The following ERMP1 variants were observed in gnomAD, a reference collection of about 807,000 sequenced individuals.
ERMP1 encodes Felix-ina.
Under a neutral mutation model 92.0 loss-of-function variants are expected in ERMP1, and 86 were observed. That is an observed-to-expected ratio of 0.93 (90% CI 0.79 to 1.12). The LOEUF (loss-of-function observed/expected upper bound fraction) is 1.12, where lower values mean the gene tolerates loss of function less well. Among genes scored for constraint, ERMP1 ranks in the 50% most tolerant of loss-of-function variants. The probability of loss-of-function intolerance (pLI) is 0.00; values close to 1 mark genes in which losing one functional copy is unlikely to be tolerated. For synonymous variants in ERMP1, 530 were observed against 412.8 expected (o/e 1.28, Z -3.44); for missense variants, 1,342 against 1,116.3 (o/e 1.20, Z -2.88).
In ERMP1 at chr9:5,829,300, GT is replaced by G. The variant is rs563077178; in HGVS notation, c.640+1426del. On this transcript the variant is annotated intron_variant, in intron 2 of 14. Coordinates refer to ENST00000339450, the MANE Select transcript of ERMP1 (RefSeq NM_024896.3). ...TACTTCTGGCTTATTTAACAAACGTGTGTATACTGATTTTTGAAAATGCAAG... is the reference window on the plus strand; with the variant it reads ...TACTTCTGGCTTATTTAACAAACGTGGTATACTGATTTTTGAAAATGCAAG... Among the ~76,000 whole-genome samples, 15 of 151,634 alleles carry G rather than the reference GT, an allele frequency of 9.9e-5. No homozygotes were observed. The East Asian group carries it at 2.7e-3, about 27-fold the overall frequency.
intron 2 of ERMP1, among the ~76,000 whole-genome samples, chr9:5,827,237 ATT>A (rs1829760644): frequency 6.6e-6 from 1 of 152,222 alleles, no homozygotes. Context: ...CACTAAAAGG[ATT>A]TAGGTGATAG....
At chr9:5,816,029 A>G (rs1420492011) in intron 4 of ERMP1, among the ~76,000 whole-genome samples, 1 of 152,152 alleles carries the variant, frequency 6.6e-6, no homozygotes, top group African/African-American at 2.4e-5. Context: ...TAATTATCTT[A>G]AAACTTAGGA....
At chr9:5,799,564 CA>C in intron 11 of ERMP1, among the ~76,000 whole-genome samples, 1 of 152,194 alleles carries the variant, frequency 6.6e-6, no homozygotes, top group Non-Finnish European at 1.5e-5. Context: ...CAGGAGCCGG[CA>C]AACTGCAGCC....
chr9:5,864,920 A>G (rs1830607469), intron 5 of ERMP1, among the ~76,000 whole-genome samples: 1 of 152,234 alleles, frequency 6.6e-6, no homozygotes, highest in African/African-American at 2.4e-5. Context: ...TGCTTCAGAT[A>G]TAACATGAGA....
At chr9:5,801,746 A>C (rs1357762863) in intron 10 of ERMP1, among the ~76,000 whole-genome samples, 1 of 152,272 alleles carries the variant, frequency 6.6e-6, no homozygotes, top group Non-Finnish European at 1.5e-5. Context: ...ATGCTTTAAA[A>C]TATGTCAAAA....
rs1019137877 is a variant in ERMP1 at position 5,805,774 on chromosome 9, G to A, written c.1560C>T (p.Ala520=). 2 of 1,599,590 alleles carry A rather than the reference G, an allele frequency of 1.3e-6. No individual in the cohort carries two copies. The highest frequency in any genetic ancestry group is 8.5e-7 in the Non-Finnish European group (1 of 1,175,424). Reference sequence around the variant, plus strand: ...CAAAAAATACTTCTCCCAGATACTGGGCACTGGCATTCTGAAAGAAAGAAA... The same window carrying A: ...CAAAAAATACTTCTCCCAGATACTGAGCACTGGCATTCTGAAAGAAAGAAA... ...AKRFYYMNAS[A]QYLGEVFFDI... The change falls in exon 9 of 15, where the codon GCC becomes GCT. Residue 520 remains alanine, a synonymous_variant. Transcript: ENST00000339450.
rs1334617928 is a variant in ERMP1 at position 5,797,882 on chromosome 9, T to C, written c.2321A>G (p.His774Arg). 1.2e-6 allele frequency: 2 copies of C among 1,613,842 alleles called. No homozygotes were observed. The highest frequency in any genetic ancestry group is 3.3e-5 in the Admixed American group (2 of 59,964). ...APEVSPRNPP[H>R]FRLISKEQTP... The stretch of plus-strand genomic sequence containing the variant: ...CTGTTCTTTGGATATGAGTCGGAAA[T>C]GAGGAGGATTTCTTGGAGAAACTTC... The change falls in exon 13 of 15, where the codon CAT becomes CGT. Residue 774 changes from histidine to arginine, a missense_variant. Physicochemically the swap from His to Arg is conservative, Grantham distance 29. Transcript: ENST00000339450.
intron 13 of ERMP1, among the ~76,000 whole-genome samples, chr9:5,790,236 G>C (rs1828128043): frequency 6.8e-6 from 1 of 148,118 alleles, no homozygotes; most frequent in Non-Finnish European, 1.5e-5. Context: ...CTGGAGCGCA[G>C]TGGCGCAATT....
At position 5,811,252 on chromosome 9, in the gene ERMP1, G is replaced by A. The variant is rs1479238729; in HGVS notation, c.1186C>T (p.His396Tyr). Residue 396 changes from histidine (H) to tyrosine (Y), a missense_variant, in exon 7 of 15, where the codon CAT becomes TAT. By Grantham distance (83) the His-to-Tyr change is moderately conservative (BLOSUM62 2). Transcript: ENST00000339450. ...ACATCAAAGAAGACCATGTTTCCAT[G>A]TCGATACTTAGAAGCAGCAGCCAGC... The part of the protein sequence containing the change: ...DMLAAASKYR[H>Y]GNMVFFDVLG... 1 of 1,613,736 alleles carries A rather than the reference G, an allele frequency of 6.2e-7. No individual in the cohort carries two copies. The highest frequency in any genetic ancestry group is 8.5e-7 in the Non-Finnish European group (1 of 1,179,916).
chr9:5,837,002 G>A (rs1363880155), upstream of ERMP1, among the ~76,000 whole-genome samples: 1 of 152,180 alleles, frequency 6.6e-6, no homozygotes, highest in African/African-American at 2.4e-5. Context: ...AGAGAAGTTA[G>A]AGAACAAGCC....
rs1828659321 is a variant in ERMP1, at chr9:5,801,216, G to A, written c.2027C>T (p.Ser676Phe). The change falls in exon 11 of 15, where the codon TCC becomes TTC. Residue 676 changes from serine to phenylalanine, a missense_variant. Physicochemically the swap from Ser to Phe is radical, Grantham distance 155 (BLOSUM62 -2). Coordinates refer to ENST00000339450, the MANE Select transcript of ERMP1 (RefSeq NM_024896.3). ...CTTTGGCTTCGGATTAGCAGGATTG[G>A]AGCTATATGGAAAAAATGTTCCACT... ...VCSGTFFPYS[S>F]NPANPKPKRV... 1.2e-6 allele frequency: 2 copies of A among 1,613,596 alleles called. No homozygotes were observed. Among genetic ancestry groups the A allele is most frequent in the African/African-American group, 1.3e-5 (1 of 74,866 alleles).
intron 11 of ERMP1, among the ~76,000 whole-genome samples, chr9:5,800,232 A>G (rs1002812245): frequency 2.0e-5 from 3 of 152,242 alleles, no homozygotes; most frequent in Non-Finnish European, 4.4e-5. Flanking sequence ...TATAAGGCAT[A>G]AGATAATTTG....
At position 5,832,789 on chromosome 9, in the gene ERMP1, T is replaced by C. The variant is rs753557373; in HGVS notation, c.239A>G (p.Tyr80Cys). The C allele has an allele frequency of 4.7e-5, 70 of 1,502,042 alleles. No homozygotes were observed. The highest frequency in any genetic ancestry group is 5.5e-5 in the Non-Finnish European group (62 of 1,133,778). 93.0% of individuals were successfully genotyped at this position (1,502,042 alleles called of 1,614,324 possible). Residue 80 changes from tyrosine (Y) to cysteine (C), a missense_variant, in exon 1 of 15, where the codon TAC (tyrosine) becomes TGC (cysteine). Physicochemically the swap from Tyr to Cys is radical, Grantham distance 194. Transcript: ENST00000339450. ...EVRAALGLAL[Y>C]LIALRTLVQL... ...CACCAGCGTCCGCAGCGCGATCAGG[T>C]AGAGCGCGAGCCCCAGCGCGGCGCG...
intron 2 of ERMP1, among the ~76,000 whole-genome samples, chr9:5,826,866 G>A (rs1026702327): frequency 6.6e-6 from 1 of 152,170 alleles, no homozygotes; most frequent in Non-Finnish European, 1.5e-5. Flanking sequence ...TGATTAAAAA[G>A]TTAAACTGTC....
At chr9:5,826,938 A>T (rs1340047293) in intron 2 of ERMP1, among the ~76,000 whole-genome samples, 1 of 152,318 alleles carries the variant, frequency 6.6e-6, no homozygotes, top group East Asian at 1.9e-4. Context: ...GAAGAGTCAA[A>T]TATCTTTAAG....
chr9:5,849,412 C>T (rs1361919278), intron 6 of ERMP1, among the ~76,000 whole-genome samples: 1 of 152,128 alleles, frequency 6.6e-6, no homozygotes, highest in African/African-American at 2.4e-5. Flanking sequence ...GCAACCTGGT[C>T]CGGGGGAGGA....
chr9:5,847,739 C>CA (rs1367738503), intron 6 of ERMP1, among the ~76,000 whole-genome samples: 1 of 151,616 alleles, frequency 6.6e-6, no homozygotes, highest in Non-Finnish European at 1.5e-5. Flanking sequence ...ACTACAAATA[C>CA]AAAAAATTAG....
chr9:5,806,889 G>C (rs117980606), intron 8 of ERMP1, among the ~76,000 whole-genome samples: 7 of 152,174 alleles, frequency 4.6e-5, no homozygotes, highest in Non-Finnish European at 8.8e-5. Context: ...AAGAGTTTCT[G>C]TGACGTGTTT....
In ERMP1 at chr9:5,810,248, A is replaced by G. The variant is rs1421411493; in HGVS notation, c.1328-17T>C. 2 of 1,587,020 alleles carry G rather than the reference A, an allele frequency of 1.3e-6. No individual in the cohort carries two copies. Among genetic ancestry groups the G allele is most frequent in the Admixed American group, 1.7e-5 (1 of 59,892 alleles). Reference sequence around the variant, plus strand: ...AGTTACCAGCTAATGAAGAGAAAACAAAAAGTTGAAATCACCATCTTCATC... The same window carrying G: ...AGTTACCAGCTAATGAAGAGAAAACGAAAAGTTGAAATCACCATCTTCATC... On this transcript the variant is annotated splice_polypyrimidine_tract_variant and intron_variant, in intron 7 of 14. Coordinates refer to ENST00000339450, the MANE Select transcript of ERMP1 (RefSeq NM_024896.3).
Sources: gnomAD v4.1 joint callset for allele counts (sites outside exome capture counted in the v4.1 genomes callset) on GRCh38, gnomAD v4.1.1 for gene constraint, MANE v1.5 for transcripts, NCBI Gene and HGNC (gene_info 2026-07-23, HGNC 2026-07-21) for gene names.